The following ATP10A variants were observed in gnomAD, a reference collection of about 807,000 sequenced individuals.
ATP10A encodes phospholipid-transporting ATPase VA.
In ATP10A, 111 loss-of-function variants were observed where a neutral mutation model predicts 147.8. The observed-to-expected ratio is 0.75, with a 90% confidence interval of 0.64 to 0.88. ATP10A has a LOEUF of 0.88. ATP10A is among the 40% of genes least tolerant of loss of function. The pLI is 0.00. For synonymous variants in ATP10A, 875 were observed against 841.6 expected (o/e 1.04, Z -0.69); for missense variants, 1,927 against 1,959.0 (o/e 0.98, Z 0.31).
At chr15:25,701,813 C>G (rs753103445) in intron 13 of ATP10A, 103 bp downstream of exon 13, 30 of 1,184,164 alleles carry the variant, frequency 2.5e-5, no homozygotes, top group Non-Finnish European at 3.4e-5. Flanking sequence ...GGGTGAGGTC[C>G]TTCTAACAGC....
intron 2 of ATP10A, among the ~76,000 whole-genome samples, chr15:25,740,373 A>G (rs1160828823): frequency 6.6e-6 from 1 of 152,186 alleles, no homozygotes; most frequent in East Asian, 1.9e-4. Context: ...GACCCTGCCT[A>G]ACGCTCCAGG....
At chr15:25,783,964 G>T (rs138900708) in intron 1 of ATP10A, among the ~76,000 whole-genome samples, 1 of 152,210 alleles carries the variant, frequency 6.6e-6, no homozygotes, top group Non-Finnish European at 1.5e-5. Flanking sequence ...TCCCCAGGCC[G>T]TCCAGCTTAC....
rs758272366 is a variant in ATP10A at position 25,713,957 on chromosome 15, T to C, written c.2061A>G (p.Ser687=). 5 of 1,610,462 alleles carry C rather than the reference T, an allele frequency of 3.1e-6. No individual in the cohort carries two copies. The highest frequency in any genetic ancestry group is 4.2e-6 in the Non-Finnish European group (5 of 1,179,960). ...CCGCCTCGTACCGCAGCTCGCGCTC[T>C]GACTCCTGCTCCTGAGCAAGCTCCG... is the stretch of plus-strand genomic sequence containing the variant. ...WASELAQEQE[S]ERELRYEAES... Residue 687 remains serine (S), a synonymous_variant, in exon 10 of 21, where the codon TCA becomes TCG. Coordinates refer to ENST00000555815, the MANE Select transcript of ATP10A (RefSeq NM_024490.4).
chr15:25,688,182 G>T (rs1346482481), intron 15 of ATP10A, among the ~76,000 whole-genome samples: 1 of 152,100 alleles, frequency 6.6e-6, no homozygotes, highest in African/African-American at 2.4e-5. Context: ...TCTTTGCCCC[G>T]GATGTCATTT....
At chr15:25,703,437 T>C (rs1187986257) in intron 12 of ATP10A, among the ~76,000 whole-genome samples, 1 of 152,216 alleles carries the variant, frequency 6.6e-6, no homozygotes, top group Non-Finnish European at 1.5e-5. Context: ...GAGGCAGCCA[T>C]CTGCAAACCA....
rs185028547 is a variant in ATP10A at position 25,708,230 on chromosome 15, C to T, written c.2415G>A (p.Ala805=). ...CGATGCACAAGGTGCGCAGGCCTTCCGCCGCATACACGTTGAGGTAATTCT... is the reference window on the plus strand; with the variant it reads ...CGATGCACAAGGTGCGCAGGCCTTCTGCCGCATACACGTTGAGGTAATTCT... ...KTQNYLNVYA[A]EGLRTLCIAK... The change falls in exon 11 of 21, where the codon GCG becomes GCA. Residue 805 remains alanine, a synonymous_variant. Transcript: ENST00000555815. 1.4e-5 allele frequency: 22 copies of T among 1,614,226 alleles called. No individual in the cohort carries two copies. In the African/African-American group the frequency reaches 1.6e-4, roughly 12 times the overall value.
intron 1 of ATP10A, among the ~76,000 whole-genome samples, chr15:25,859,544 T>C (rs1316793813): frequency 6.6e-6 from 1 of 151,400 alleles, no homozygotes; most frequent in Non-Finnish European, 1.5e-5. Context: ...GGGTGGCCCT[T>C]CCCCCCTGCA....
intron 1 of ATP10A, among the ~76,000 whole-genome samples, chr15:25,799,323 G>A (rs182254663): frequency 5.9e-5 from 9 of 152,126 alleles, no homozygotes; most frequent in Admixed American, 2.6e-4. Flanking sequence ...TTGGGAGCTC[G>A]TCTCTCCCGG....
At chr15:25,782,355 C>T (rs556892440) in intron 1 of ATP10A, among the ~76,000 whole-genome samples, 6 of 152,096 alleles carry the variant, frequency 3.9e-5, no homozygotes, top group Non-Finnish European at 7.4e-5. Flanking sequence ...TTGTACCACA[C>T]CGTAAGTATC....
At chr15:25,811,934 G>A (rs1053991588) in intron 1 of ATP10A, among the ~76,000 whole-genome samples, 18 of 152,174 alleles carry the variant, frequency 1.2e-4, no homozygotes, top group African/African-American at 3.9e-4. Context: ...CGAGGCACAC[G>A]GCTGGAAGCT....
intron 2 of ATP10A, among the ~76,000 whole-genome samples, chr15:25,767,189 T>C (rs1889072822): frequency 6.6e-6 from 1 of 152,170 alleles, no homozygotes; most frequent in Admixed American, 6.5e-5. Flanking sequence ...AGTGCCAAGG[T>C]TAGAACTGCA....
chr15:25,771,157 C>T (rs911407713), intron 2 of ATP10A, among the ~76,000 whole-genome samples: 8 of 152,140 alleles, frequency 5.3e-5, no homozygotes, highest in Admixed American at 1.3e-4. Flanking sequence ...GTCTCTTCTT[C>T]GGCCTCTTGG....
At chr15:25,791,130 G>T (rs1890404911) in intron 1 of ATP10A, among the ~76,000 whole-genome samples, 2 of 150,150 alleles carry the variant, frequency 1.3e-5, no homozygotes, top group Admixed American at 1.3e-4. Flanking sequence ...GCCCAGGCTG[G>T]AGTGCAGTGG....
At chr15:25,755,117 CTT>C (rs770272441) in intron 2 of ATP10A, among the ~76,000 whole-genome samples, 13 of 152,252 alleles carry the variant, frequency 8.5e-5, no homozygotes, top group Non-Finnish European at 7.4e-5. Context: ...AAACAGTTTC[CTT>C]ATAAGAACTA....
At chr15:25,853,603 A>T (rs1893381345) in intron 1 of ATP10A, among the ~76,000 whole-genome samples, 1 of 152,086 alleles carries the variant, frequency 6.6e-6, no homozygotes, top group Non-Finnish European at 1.5e-5. Flanking sequence ...ATGTCTACCA[A>T]CACGTCGGGA....
intron 2 of ATP10A, among the ~76,000 whole-genome samples, chr15:25,780,695 A>G (rs909015939): frequency 2.0e-5 from 3 of 152,252 alleles, no homozygotes; most frequent in African/African-American, 7.2e-5. Context: ...TTAGTAAACC[A>G]GTGAAACAGC....
intron 12 of ATP10A, among the ~76,000 whole-genome samples, chr15:25,707,222 C>T (rs1258906038): frequency 6.6e-6 from 1 of 152,094 alleles, no homozygotes; most frequent in African/African-American, 2.4e-5. Flanking sequence ...ATCCCAACTC[C>T]TCTGCCCAGA....
At position 25,694,890 on chromosome 15, in the gene ATP10A, G is replaced by A. The variant is rs1407076325; in HGVS notation, c.3017C>T (p.Ser1006Leu). 3 of 1,614,006 alleles carry A rather than the reference G, an allele frequency of 1.9e-6. No homozygotes were observed. The highest frequency in any genetic ancestry group is 1.1e-5 in the South Asian group (1 of 91,062). Reference protein sequence around the residue: ...KQCRSVLCCRSTPLQKSMVVK... With the variant: ...KQCRSVLCCRLTPLQKSMVVK... ...CACCATGCTCTTCTGCAGAGGCGTC[G>A]ACCGACAGCAGAGGACGGAGCGGCA... The change falls in exon 14 of 21, where the codon TCG (serine) becomes TTG (leucine). Residue 1006 changes from serine (S) to leucine (L), a missense_variant. Physicochemically the swap from Ser to Leu is moderately radical, Grantham distance 145 (BLOSUM62 -2). Coordinates refer to ENST00000555815, the MANE Select transcript of ATP10A (RefSeq NM_024490.4).
chr15:25,727,320 C>T (rs1015253783), intron 3 of ATP10A, 54 bp from the exon 4 acceptor site: 1 of 1,428,632 alleles, frequency 7.0e-7, no homozygotes, highest in Non-Finnish European at 9.9e-7. Flanking sequence ...TGCCTCATGT[C>T]TGGAGCCGCA....
Sources: allele counts gnomAD v4.1 joint callset (sites outside exome capture counted in the v4.1 genomes callset), GRCh38; gene constraint gnomAD v4.1.1; transcripts MANE v1.5; gene names NCBI Gene and HGNC (gene_info 2026-07-23, HGNC 2026-07-21).